Variants in POLR2D observed in about 807,000 individuals in gnomAD.
POLR2D encodes the protein DNA-directed RNA polymerase II subunit RPB4.
In POLR2D, 10 loss-of-function variants were observed where a neutral mutation model predicts 17.6. The ratio of observed to expected loss-of-function variants is 0.57; its 90% CI spans 0.35 to 0.96. The LOEUF is 0.96. Ranked by LOEUF, POLR2D falls within the 40% of genes least tolerant of loss-of-function variation. POLR2D has a pLI of 0.02. For synonymous variants in POLR2D, 52 were observed against 60.2 expected (o/e 0.86, Z 0.63); for missense variants, 126 against 176.4 (o/e 0.71, Z 1.62).
Position 127,852,711 on chromosome 2 carries a change from G to C in POLR2D, c.254+214C>G, listed in dbSNP as rs1690271628. Among the ~76,000 whole-genome samples the C allele has an allele frequency of 6.6e-6, 1 of 152,056 alleles. No homozygotes were observed. The highest frequency in any genetic ancestry group is 2.4e-5 in the African/African-American group (1 of 41,390). On this transcript the variant is annotated intron_variant, in intron 2 of 3. Coordinates refer to ENST00000272645, the MANE Select transcript of POLR2D (RefSeq NM_004805.4). This position sits in a 1 kb window ranked among gnomAD's most constrained non-coding sequence, Gnocchi z 4.0. ...TTTTTTGCATTTTTAGCAGAGACGG[G>C]TTTTTGCTATATCGACCAGGCTGGT...
At position 127,847,152 on chromosome 2, in the gene POLR2D, C is replaced by G. The variant is rs1049271616; in HGVS notation, c.*955G>C. The G allele has an allele frequency of 6.6e-6, 1 of 152,288 alleles. No individual in the cohort carries two copies. The highest frequency in any genetic ancestry group is 1.5e-5 in the Non-Finnish European group (1 of 68,034). 9.4% of individuals were successfully genotyped at this position (152,288 alleles called of 1,614,324 possible). A position where few individuals can be genotyped will look rare whatever the true frequency, so the allele number is the denominator to read the frequency against. On this transcript the variant is annotated 3_prime_UTR_variant, in exon 4 of 4. Transcript: ENST00000272645. ...TTTGAGGGTGACTAAATGAATCCTTCAAGACCACTTACCCCAAATCCACAT... is the reference window on the plus strand; with the variant it reads ...TTTGAGGGTGACTAAATGAATCCTTGAAGACCACTTACCCCAAATCCACAT...
chr2:127,848,252 C>A (rs116431905), intron 3 of POLR2D, 67 bp from the exon 4 acceptor site: 15,752 of 964,464 alleles, frequency 0.016, 187 homozygotes, highest in Non-Finnish European at 0.022. Flanking sequence ...TTCTTTGAGG[C>A]GTGCTAATCT....
Position 127,844,376 on chromosome 2 carries a change from T to C in POLR2D, c.*3731A>G, listed in dbSNP as rs1384380769. The C allele has an allele frequency of 2.0e-5, 3 of 152,216 alleles. No individual in the cohort carries two copies. Among genetic ancestry groups the C allele is most frequent in the African/African-American group, 7.2e-5 (3 of 41,462 alleles). 9.4% of individuals were successfully genotyped at this position (152,216 alleles called of 1,614,324 possible). ...ACACTAAAACTTTCAGAAAGACTTA[T>C]CTGGTTAATTTAGCTTTCTGGTGAA... is the stretch of plus-strand genomic sequence containing the variant. On this transcript the variant is annotated 3_prime_UTR_variant, in exon 4 of 4. Coordinates refer to ENST00000272645, the MANE Select transcript of POLR2D (RefSeq NM_004805.4).
At chr2:127,853,436 C>T (rs376596719) in intron 1 of POLR2D, among the ~76,000 whole-genome samples, 1 of 152,164 alleles carries the variant, frequency 6.6e-6, no homozygotes, top group South Asian at 2.1e-4. Flanking sequence ...CATATGTACT[C>T]AAGGTTTAAC....
At chr2:127,853,848 A>G (rs1421519111) in intron 1 of POLR2D, among the ~76,000 whole-genome samples, 1 of 152,072 alleles carries the variant, frequency 6.6e-6, no homozygotes, top group Non-Finnish European at 1.5e-5. Flanking sequence ...ACAGTTACAT[A>G]CCACAAGGCA....
intron 1 of POLR2D, among the ~76,000 whole-genome samples, chr2:127,855,676 C>T (rs934046641): frequency 1.3e-5 from 2 of 152,162 alleles, no homozygotes; most frequent in Non-Finnish European, 2.9e-5. Context: ...TCAGCATCAA[C>T]AAAATGGGGA....
chr2:127,854,991 G>A (rs1392091274), intron 1 of POLR2D, among the ~76,000 whole-genome samples: 3 of 95,352 alleles, frequency 3.1e-5, no homozygotes, highest in Admixed American at 1.4e-4. Flanking sequence ...AGTAACAAAT[G>A]ACATCAGGCC....
At position 127,858,091 on chromosome 2, in the gene POLR2D, C is replaced by CCGCCGCCATCGCCG; in HGVS notation, c.-5_9dup (p.Gly4ArgfsTer15). The CCGCCGCCATCGCCG allele has an allele frequency of 6.6e-7, 1 of 1,513,082 alleles. No homozygotes were observed. The highest frequency in any genetic ancestry group is 8.8e-7 in the Non-Finnish European group (1 of 1,132,058). 93.7% of individuals were successfully genotyped at this position (1,513,082 alleles called of 1,614,324 possible). Reference sequence around the variant, plus strand: ...TCGCCAGCCCGCGGATCGCTGCCACCCGCCGCCATCGCCGCGCCGCGCCGC... The same window carrying CCGCCGCCATCGCCG: ...TCGCCAGCCCGCGGATCGCTGCCACCCGCCGCCATCGCCGCGCCGCCATCGCCGCGCCGCGCCGC... On this transcript the variant is annotated frameshift_variant, in exon 1 of 4. Coordinates refer to ENST00000272645, the MANE Select transcript of POLR2D (RefSeq NM_004805.4). LOFTEE classifies it high-confidence loss of function.
rs759344343 is a variant in POLR2D at position 127,858,100 on chromosome 2, TCGCCG to T, written c.-5_-1del. The T allele has an allele frequency of 3.2e-4, 475 of 1,498,168 alleles. 1 individual carries two copies. Among genetic ancestry groups the T allele is most frequent in the Non-Finnish European group, 3.7e-4 (420 of 1,123,980 alleles). 92.8% of individuals were successfully genotyped at this position (1,498,168 alleles called of 1,614,324 possible). A position where few individuals can be genotyped will look rare whatever the true frequency, so the allele number is the denominator to read the frequency against. ...CGCGGATCGCTGCCACCCGCCGCCA[TCGCCG>T]CGCCGCGCCGCGCGCCACCACCAGC... On this transcript the variant is annotated 5_prime_UTR_variant, in exon 1 of 4. Transcript: ENST00000272645.
chr2:127,846,312 A>T lies in POLR2D; in HGVS notation c.*1795T>A, dbSNP rs1409448891. 2 of 152,290 alleles carry T rather than the reference A, an allele frequency of 1.3e-5. No individual in the cohort carries two copies. The highest frequency in any genetic ancestry group is 4.8e-5 in the African/African-American group (2 of 41,576). The allele number at this position is 152,290 out of a possible 1,614,324, so 9.4% of individuals were successfully genotyped here. ...CTTGCCTTATTTCGTAGCAAACATA[A>T]AACCATCCTGATTTTAAAAGCCAAC... On this transcript the variant is annotated 3_prime_UTR_variant, in exon 4 of 4. Transcript: ENST00000272645.
Position 127,858,116 on chromosome 2 carries a change from C to T in POLR2D, c.-16G>A, listed in dbSNP as rs943022424. The T allele has an allele frequency of 3.1e-5, 46 of 1,473,876 alleles. No individual in the cohort carries two copies. Among genetic ancestry groups the T allele is most frequent in the Non-Finnish European group, 4.0e-5 (45 of 1,111,858 alleles). The allele number at this position is 1,473,876 out of a possible 1,614,324, so 91.3% of individuals were successfully genotyped here. On this transcript the variant is annotated 5_prime_UTR_variant, in exon 1 of 4. Coordinates refer to ENST00000272645, the MANE Select transcript of POLR2D (RefSeq NM_004805.4). ...CCGCCGCCATCGCCGCGCCGCGCCGCGCGCCACCACCAGCGCCGCCGGAAG... is the reference window on the plus strand; with the variant it reads ...CCGCCGCCATCGCCGCGCCGCGCCGTGCGCCACCACCAGCGCCGCCGGAAG...
chr2:127,857,130 T>C (rs1410519236), intron 1 of POLR2D: 1 of 152,100 alleles, frequency 6.6e-6, no homozygotes, highest in African/African-American at 2.4e-5. Context: ...CTGGGCGACA[T>C]AGTGAGACCC....
chr2:127,854,094 G>C (rs906084439), intron 1 of POLR2D, among the ~76,000 whole-genome samples: 1 of 152,120 alleles, frequency 6.6e-6, no homozygotes, highest in African/African-American at 2.4e-5. Context: ...CCAAGTGTCT[G>C]GAAATAAATA....
intron 3 of POLR2D, 58 bp downstream of exon 3, chr2:127,850,532 A>G (rs962983200): frequency 8.0e-6 from 6 of 749,830 alleles, no homozygotes; most frequent in Non-Finnish European, 1.4e-5. Context: ...TAGACACACC[A>G]ATTCTATTTG....
At chr2:127,854,697 A>G (rs1690301367) in intron 1 of POLR2D, among the ~76,000 whole-genome samples, 1 of 152,226 alleles carries the variant, frequency 6.6e-6, no homozygotes, top group South Asian at 2.1e-4. Flanking sequence ...CACTATTGAA[A>G]TAAAATTAAA....
At position 127,846,220 on chromosome 2, in the gene POLR2D, C is replaced by G. The variant is rs1690152348; in HGVS notation, c.*1887G>C. 1 of 152,198 alleles carries G rather than the reference C, an allele frequency of 6.6e-6. No individual in the cohort carries two copies. Among genetic ancestry groups the G allele is most frequent in the East Asian group, 1.9e-4 (1 of 5,186 alleles). 9.4% of individuals were successfully genotyped at this position (152,198 alleles called of 1,614,324 possible). The stretch of plus-strand genomic sequence containing the variant: ...GTGAGCCAAGATTGCGCCATTGCAT[C>G]CTGGGCAACACAGCCAGACTCTATC... On this transcript the variant is annotated 3_prime_UTR_variant, in exon 4 of 4. Coordinates refer to ENST00000272645, the MANE Select transcript of POLR2D (RefSeq NM_004805.4).
intron 1 of POLR2D, among the ~76,000 whole-genome samples, chr2:127,855,417 AAG>A (rs59991464): frequency 2.0e-5 from 3 of 148,126 alleles, no homozygotes; most frequent in East Asian, 1.9e-4. Context: ...AAAAAAAAAA[AAG>A]AGAGATGGTC....
chr2:127,857,444 A>G (rs1690356360), intron 1 of POLR2D, among the ~76,000 whole-genome samples: 1 of 152,228 alleles, frequency 6.6e-6, no homozygotes, highest in African/African-American at 2.4e-5. Context: ...AGAAAACTCA[A>G]GGCTGCCAAA....
In POLR2D at chr2:127,844,975, CT is replaced by C. The variant is rs1178940339; in HGVS notation, c.*3131del. The stretch of plus-strand genomic sequence containing the variant: ...AACTGTGAGCTGCTTTTTAAATCTG[CT>C]TTTAATCACCTTGATAAATACCACT... On this transcript the variant is annotated 3_prime_UTR_variant, in exon 4 of 4. Transcript: ENST00000272645. 2 of 152,114 alleles carry C rather than the reference CT, an allele frequency of 1.3e-5. No individual in the cohort carries two copies. Among genetic ancestry groups the C allele is most frequent in the African/African-American group, 4.8e-5 (2 of 41,414 alleles). The allele number at this position is 152,114 out of a possible 1,614,324, so 9.4% of individuals were successfully genotyped here. A position where few individuals can be genotyped will look rare whatever the true frequency, so the allele number is the denominator to read the frequency against.
Sources: gnomAD v4.1 joint callset for allele counts (sites outside exome capture counted in the v4.1 genomes callset) on GRCh38, gnomAD v4.1.1 for gene constraint, Gnocchi (gnomAD v3.1) non-coding constraint, MANE v1.5 for transcripts, NCBI Gene and HGNC (gene_info 2026-07-23, HGNC 2026-07-21) for gene names.